The following SORCS2 variants were observed in gnomAD, a reference collection of about 807,000 sequenced individuals.
SORCS2 encodes the protein sortilin related VPS10 domain containing receptor 2.
SORCS2 carries 100 observed loss-of-function variants against 141.6 expected under a neutral mutation model. The ratio of observed to expected loss-of-function variants is 0.71; its 90% CI spans 0.60 to 0.83. The LOEUF is 0.83. Ranked by LOEUF, SORCS2 falls within the 40% of genes least tolerant of loss-of-function variation. SORCS2 has a pLI of 0.00. For missense variants in SORCS2, 1,646 were observed against 1,560.2 expected, an observed-to-expected ratio of 1.05 and a Z score of -0.93; for synonymous variants, 789 against 676.9, an observed-to-expected ratio of 1.17 and a Z score of -2.57.
chr4:7,652,237 G>T (rs572053846), intron 4 of SORCS2, among the ~76,000 whole-genome samples: 2 of 152,310 alleles, frequency 1.3e-5, no homozygotes. Flanking sequence ...CCATGAAGGA[G>T]GGGGAGGCCC....
intron 25 of SORCS2, among the ~76,000 whole-genome samples, 172 bp downstream of exon 25, chr4:7,734,546 C>T (rs1014869772): frequency 1.3e-5 from 2 of 151,984 alleles, no homozygotes; most frequent in Non-Finnish European, 2.9e-5. Context: ...TGGCTCTGTA[C>T]CACCTGTGGG....
intron 1 of SORCS2, among the ~76,000 whole-genome samples, chr4:7,267,902 G>T (rs73799436): frequency 6.6e-6 from 1 of 152,208 alleles, no homozygotes; most frequent in Non-Finnish European, 1.5e-5. Context: ...GTGATGAGAC[G>T]AGCAGCTCCT....
At chr4:7,505,701 A>G (rs1420340515) in intron 2 of SORCS2, among the ~76,000 whole-genome samples, 1 of 151,570 alleles carries the variant, frequency 6.6e-6, no homozygotes, top group African/African-American at 2.4e-5. Context: ...CGGGAACACG[A>G]GGACGCAGCA....
intron 9 of SORCS2, among the ~76,000 whole-genome samples, chr4:7,681,045 A>G (rs1723494148): frequency 6.6e-6 from 1 of 152,190 alleles, no homozygotes; most frequent in Non-Finnish European, 1.5e-5. Flanking sequence ...TGATATTTAG[A>G]TGAGACTTTT....
In SORCS2 at chr4:7,570,157, G is replaced by C. The variant is rs181156399; in HGVS notation, c.648+38528G>C. On this transcript the variant is annotated intron_variant, in intron 3 of 26. Coordinates refer to ENST00000507866, the MANE Select transcript of SORCS2 (RefSeq NM_020777.3). Reference sequence around the variant, plus strand: ...GGGGAGCGAGGAGATTCATTATTTTGGATTTCAGTGGCTGCGGAGGGGAGG... The same window carrying C: ...GGGGAGCGAGGAGATTCATTATTTTCGATTTCAGTGGCTGCGGAGGGGAGG... 2.0e-4 allele frequency among the ~76,000 whole-genome samples: 31 copies of C among 152,314 alleles called. No individual in the cohort carries two copies. In the East Asian group the frequency reaches 4.4e-3, roughly 22 times the overall value.
chr4:7,308,992 T>G (rs1192921820), intron 1 of SORCS2, among the ~76,000 whole-genome samples: 5 of 152,174 alleles, frequency 3.3e-5, no homozygotes, highest in Non-Finnish European at 7.4e-5. Context: ...TCTGGTATTT[T>G]GGAGCTTTTC....
chr4:7,640,430 G>T (rs1374871180), intron 4 of SORCS2, among the ~76,000 whole-genome samples: 1 of 135,566 alleles, frequency 7.4e-6, no homozygotes, highest in Non-Finnish European at 1.7e-5. Context: ...GATCGTGTGT[G>T]TGAGTCTACA....
chr4:7,608,668 GC>G (rs1259723769), intron 3 of SORCS2, among the ~76,000 whole-genome samples: 5 of 152,210 alleles, frequency 3.3e-5, no homozygotes, highest in African/African-American at 1.2e-4. Context: ...CCCACTGGCA[GC>G]CCCAGTCCCC....
intron 3 of SORCS2, among the ~76,000 whole-genome samples, chr4:7,597,952 T>G (rs2108786152): frequency 6.7e-6 from 1 of 149,726 alleles, no homozygotes; most frequent in African/African-American, 2.5e-5. Context: ...GGGATGACAG[T>G]TCAGCTAATC....
At chr4:7,489,440 A>C (rs12331965) in intron 2 of SORCS2, among the ~76,000 whole-genome samples, 76,893 of 151,364 alleles carry the variant, frequency 0.51, 19,502 homozygotes, top group African/African-American at 0.55. Flanking sequence ...GGTGTCTAGG[A>C]AGCATTTACA....
chr4:7,239,011 C>T (rs73081822), intron 1 of SORCS2, among the ~76,000 whole-genome samples: 3,101 of 152,340 alleles, frequency 0.02, 94 homozygotes, highest in African/African-American at 0.065. Flanking sequence ...TGGCCCACGT[C>T]CCTGTGGAGT....
chr4:7,521,805 G>A (rs1217993471), intron 2 of SORCS2, among the ~76,000 whole-genome samples: 2 of 152,228 alleles, frequency 1.3e-5, no homozygotes, highest in Admixed American at 6.5e-5. Flanking sequence ...ACCCTCAAGA[G>A]GGGTTCTGGG....
intron 3 of SORCS2, among the ~76,000 whole-genome samples, chr4:7,543,514 TCCATCC>T (rs879610443): frequency 0.054 from 7,084 of 132,268 alleles, 455 homozygotes; most frequent in East Asian, 0.23. Context: ...CATCCATCCA[TCCATCC>T]GTCCATCCAT....
chr4:7,686,780 G>T (rs1723906630), intron 10 of SORCS2, among the ~76,000 whole-genome samples: 1 of 152,228 alleles, frequency 6.6e-6, no homozygotes, highest in Non-Finnish European at 1.5e-5. Context: ...GGGAGTGCGT[G>T]TGTCAGACAC....
chr4:7,401,970 T>C (rs62277576), intron 2 of SORCS2, among the ~76,000 whole-genome samples: 22,428 of 152,202 alleles, frequency 0.15, 1,801 homozygotes, highest in Non-Finnish European at 0.18. Flanking sequence ...CAGGTACTCA[T>C]GAAACAGAGC....
chr4:7,220,061 C>T (rs894490355), intron 1 of SORCS2, among the ~76,000 whole-genome samples: 9 of 152,172 alleles, frequency 5.9e-5, no homozygotes, highest in Non-Finnish European at 1.0e-4. Flanking sequence ...CAACAGCTGC[C>T]GACTGACCCC....
intron 1 of SORCS2, among the ~76,000 whole-genome samples, chr4:7,332,085 A>T (rs1719687873): frequency 6.6e-6 from 1 of 152,138 alleles, no homozygotes; most frequent in African/African-American, 2.4e-5. Flanking sequence ...AGAGGGAGAG[A>T]ACGCATGTTT....
intron 3 of SORCS2, among the ~76,000 whole-genome samples, chr4:7,598,122 C>T (rs757499880): frequency 6.6e-6 from 1 of 152,112 alleles, no homozygotes; most frequent in Non-Finnish European, 1.5e-5. Context: ...GCGTAAGCCA[C>T]CCTGCCCGGC....
chr4:7,271,970 G>A (rs557439949), intron 1 of SORCS2, among the ~76,000 whole-genome samples: 1 of 152,342 alleles, frequency 6.6e-6, no homozygotes, highest in African/African-American at 2.4e-5. Context: ...GGAGCTCTGC[G>A]GGCTGTTTAA....
Sources: allele counts gnomAD v4.1 joint callset (sites outside exome capture counted in the v4.1 genomes callset), GRCh38; gene constraint gnomAD v4.1.1; transcripts MANE v1.5; gene names NCBI Gene and HGNC (gene_info 2026-07-23, HGNC 2026-07-21).